Variants in DTD1 observed in about 807,000 individuals in gnomAD.
DTD1 encodes D-tyrosyl-tRNA deacylase 1 homolog.
Under a neutral mutation model 25.6 loss-of-function variants are expected in DTD1, and 13 were observed. The observed-to-expected ratio is 0.51, with a 90% CI of 0.33 to 0.81. The LOEUF (loss-of-function observed/expected upper bound fraction) is 0.81, where lower values mean the gene tolerates loss of function less well. Among genes scored for constraint, DTD1 ranks in the 30% least tolerant of loss-of-function variants. The probability of loss-of-function intolerance (pLI) is 0.02; values close to 1 mark genes in which losing one functional copy is unlikely to be tolerated. For synonymous variants in DTD1, 110 were observed against 103.6 expected (o/e 1.06, Z -0.37); for missense variants, 193 against 266.4 (o/e 0.72, Z 1.92).
intron 4 of DTD1, among the ~76,000 whole-genome samples, chr20:18,686,830 C>G (rs376468402): frequency 2.6e-5 from 4 of 152,138 alleles, no homozygotes; most frequent in East Asian, 3.8e-4. Context: ...TGGCCCTACT[C>G]AAAGACCAGG....
chr20:18,708,212 A>C (rs1405330409), intron 4 of DTD1, among the ~76,000 whole-genome samples: 10 of 10,448 alleles, frequency 9.6e-4, no homozygotes, highest in African/African-American at 1.6e-3. Context: ...TATATTTTAT[A>C]TATATAATAT....
chr20:18,734,344 G>T (rs912530630), intron 4 of DTD1, among the ~76,000 whole-genome samples: 1 of 152,244 alleles, frequency 6.6e-6, no homozygotes, highest in Non-Finnish European at 1.5e-5. Flanking sequence ...AGGGAAAGAT[G>T]AATCTCTATA....
intron 4 of DTD1, among the ~76,000 whole-genome samples, chr20:18,740,315 TTTTTGTTTTG>T (rs928038619): frequency 6.6e-6 from 1 of 152,228 alleles, no homozygotes; most frequent in Admixed American, 6.5e-5. Context: ...TTTTGTTTTT[TTTTTGTTTTG>T]TTTTGTTTTG....
chr20:18,592,823 C>T (rs1292153385), intron 1 of DTD1, among the ~76,000 whole-genome samples: 2 of 152,048 alleles, frequency 1.3e-5, no homozygotes, highest in Non-Finnish European at 2.9e-5. Flanking sequence ...GCTGGGATTA[C>T]AGGCGCCCGC....
At chr20:18,680,691 G>A (rs904490133) in intron 4 of DTD1, among the ~76,000 whole-genome samples, 27 of 152,054 alleles carry the variant, frequency 1.8e-4, no homozygotes, top group African/African-American at 6.3e-4. Context: ...CAAGGCCTCC[G>A]TGTCTCTACT....
chr20:18,595,080 C>T (rs139099697), intron 2 of DTD1, among the ~76,000 whole-genome samples: 174 of 152,348 alleles, frequency 1.1e-3, no homozygotes, highest in Middle Eastern at 3.4e-3. Flanking sequence ...CTTCTCAAAT[C>T]TGACCCTATA....
intron 4 of DTD1, chr20:18,698,408 T>C (rs1375970517): frequency 6.6e-6 from 1 of 152,230 alleles, no homozygotes; most frequent in African/African-American, 2.4e-5. Context: ...TATTCAGTGA[T>C]TTATTTTTTT....
At chr20:18,592,130 A>G (rs916022585) in intron 1 of DTD1, among the ~76,000 whole-genome samples, 3 of 152,214 alleles carry the variant, frequency 2.0e-5, no homozygotes, top group South Asian at 4.1e-4. Context: ...AGTCTATGTT[A>G]CTGTGTTAGT....
intron 4 of DTD1, among the ~76,000 whole-genome samples, chr20:18,641,180 G>A (rs1196119233): frequency 2.0e-5 from 3 of 152,110 alleles, no homozygotes; most frequent in African/African-American, 2.4e-5. Flanking sequence ...ATGTGTCAGA[G>A]TTTTCTTTTT....
In DTD1 at chr20:18,630,257, T is replaced by C. The variant is rs147957261; in HGVS notation, c.477+2024T>C. 3 of 152,152 alleles carry C rather than the reference T, an allele frequency of 2.0e-5. No homozygotes were observed. The East Asian group carries it at 5.8e-4, about 29-fold the overall frequency. 9.4% of individuals were successfully genotyped at this position (152,152 alleles called of 1,614,324 possible). A position where few individuals can be genotyped will look rare whatever the true frequency, so the allele number is the denominator to read the frequency against. The stretch of plus-strand genomic sequence containing the variant: ...CCCAACTGCCTCTAGTTTCAATGTC[T>C]ACATAACCATAGTACAATGACCAAG... On this transcript the variant is annotated intron_variant, in intron 4 of 5. Transcript: ENST00000377452.
intron 4 of DTD1, among the ~76,000 whole-genome samples, chr20:18,706,005 G>T (rs2061125037): frequency 6.6e-6 from 1 of 152,228 alleles, no homozygotes; most frequent in South Asian, 2.1e-4. Context: ...AGCTTAGTGA[G>T]TGTGGCTTTC....
intron 5 of DTD1, among the ~76,000 whole-genome samples, chr20:18,759,854 C>G (rs1044755259): frequency 4.6e-5 from 7 of 152,182 alleles, no homozygotes; most frequent in Non-Finnish European, 7.3e-5. Flanking sequence ...CCATTCTCCC[C>G]GTCACTTTCA....
chr20:18,607,841 G>A (rs2060667473), intron 3 of DTD1, among the ~76,000 whole-genome samples: 1 of 151,922 alleles, frequency 6.6e-6, no homozygotes, highest in South Asian at 2.1e-4. Context: ...AGCCTTTTGA[G>A]TAGCTGGGAT....
intron 5 of DTD1, among the ~76,000 whole-genome samples, chr20:18,760,703 G>A (rs192481867): frequency 1.4e-4 from 21 of 152,344 alleles, no homozygotes; most frequent in African/African-American, 4.3e-4. Context: ...TGAGGAGGCA[G>A]TCTGTCTGTT....
intron 4 of DTD1, among the ~76,000 whole-genome samples, chr20:18,716,660 A>G (rs1176388153): frequency 6.6e-6 from 1 of 152,216 alleles, no homozygotes; most frequent in Non-Finnish European, 1.5e-5. Context: ...AATTTAGGTA[A>G]AAGAGTACAC....
intron 4 of DTD1, chr20:18,692,103 A>G (rs1374033289): frequency 5.9e-5 from 9 of 152,196 alleles, no homozygotes; most frequent in African/African-American, 1.9e-4. Context: ...TTTATTGTCT[A>G]CTGATTACCA....
intron 4 of DTD1, among the ~76,000 whole-genome samples, chr20:18,640,786 G>A (rs1381283563): frequency 4.0e-5 from 6 of 151,608 alleles, no homozygotes; most frequent in African/African-American, 1.5e-4. Context: ...ATGCGTCACC[G>A]TGCCTGACTA....
intron 4 of DTD1, among the ~76,000 whole-genome samples, chr20:18,712,033 C>T (rs1474562777): frequency 2.0e-5 from 3 of 150,862 alleles, no homozygotes; most frequent in Non-Finnish European, 4.4e-5. Context: ...GGTGGCACCA[C>T]TGCACTCCAG....
intron 4 of DTD1, among the ~76,000 whole-genome samples, chr20:18,670,240 G>C (rs2060947141): frequency 6.6e-6 from 1 of 152,188 alleles, no homozygotes; most frequent in African/African-American, 2.4e-5. Flanking sequence ...CTGATCATTT[G>C]AGGTTAGGAG....
Sources: gnomAD v4.1 joint callset for allele counts (sites outside exome capture counted in the v4.1 genomes callset) on GRCh38, gnomAD v4.1.1 for gene constraint, MANE v1.5 for transcripts, NCBI Gene and HGNC (gene_info 2026-07-23, HGNC 2026-07-21) for gene names.